COL5A1: variants seen among roughly 807,000 people sequenced by gnomAD.
COL5A1 encodes the protein collagen alpha-1(V) chain.
In COL5A1, 16 loss-of-function variants were observed where a neutral mutation model predicts 263.7. That is an observed-to-expected ratio of 0.06 (90% confidence interval 0.04 to 0.09). The LOEUF is 0.09. Among genes scored for constraint, COL5A1 ranks in the 10% least tolerant of loss-of-function variants. The probability of loss-of-function intolerance (pLI) is 1.00; values close to 1 mark genes in which losing one functional copy is unlikely to be tolerated. For missense variants in COL5A1, 2,036 were observed against 2,540.5 expected, an observed-to-expected ratio of 0.80 and a Z score of 4.27; for synonymous variants, 1,012 against 1,004.5, an observed-to-expected ratio of 1.01 and a Z score of -0.14.
In COL5A1 at chr9:134,728,662, G is replaced by C. The variant is rs780803048; in HGVS notation, c.787-8G>C. On this transcript the variant is annotated splice_region_variant and splice_polypyrimidine_tract_variant and intron_variant, in intron 5 of 65. Transcript: ENST00000371817. ...CTGCTTCCTCACGGGGCCGCAATTC[G>C]CTTTCAGTACACGGAAGGAGACGGC... is the stretch of plus-strand genomic sequence containing the variant. 5.6e-6 allele frequency: 9 copies of C among 1,613,834 alleles called. No homozygotes were observed. Among genetic ancestry groups the C allele is most frequent in the African/African-American group, 4.0e-5 (3 of 74,912 alleles).
chr9:134,822,610 C>G (rs1490722038), intron 59 of COL5A1, among the ~76,000 whole-genome samples: 2 of 152,026 alleles, frequency 1.3e-5, no homozygotes, highest in South Asian at 2.1e-4. Flanking sequence ...GTACACATGG[C>G]CCCCGGGGGC....
chr9:134,711,953 A>G (rs1484150315), intron 4 of COL5A1, among the ~76,000 whole-genome samples: 1 of 150,670 alleles, frequency 6.6e-6, no homozygotes, highest in Non-Finnish European at 1.5e-5. Flanking sequence ...GCCTGACAGG[A>G]AGTGAACCCC....
intron 1 of COL5A1, among the ~76,000 whole-genome samples, chr9:134,664,739 C>T (rs369381654): frequency 4.3e-4 from 66 of 152,316 alleles, no homozygotes; most frequent in South Asian, 1.0e-3. Context: ...CTCTGAAAGG[C>T]ATTTGGCAAT....
At position 134,815,638 on chromosome 9, in the gene COL5A1, T is replaced by A. The variant is rs2132855525; in HGVS notation, c.4068+9T>A. 6.2e-7 allele frequency: 1 copy of A among 1,613,422 alleles called. No individual in the cohort carries two copies. Among genetic ancestry groups the A allele is most frequent in the Non-Finnish European group, 8.5e-7 (1 of 1,179,848 alleles). On this transcript the variant is annotated intron_variant, in intron 51 of 65. Coordinates refer to ENST00000371817, the MANE Select transcript of COL5A1 (RefSeq NM_000093.5). ...GAGAGCCTGGCCCCGCGGTAGGTGC[T>A]CAAGAGGGCAAAGCCACCGGATCCC...
chr9:134,806,382 G>A, intron 42 of COL5A1, 86 bp downstream of exon 42: 7 of 910,140 alleles, frequency 7.7e-6, no homozygotes, highest in South Asian at 1.6e-5. Context: ...CCCCTGTGAT[G>A]TCCCCAGGGG....
At chr9:134,730,575 T>C in intron 7 of COL5A1, 100 bp downstream of exon 7, 1 of 1,551,362 alleles carries the variant, frequency 6.4e-7, no homozygotes, top group Non-Finnish European at 8.8e-7. Flanking sequence ...AGTTCTCACC[T>C]TGGTGTCCTC....
Position 134,754,574 on chromosome 9 carries a change from A to G in COL5A1, c.1827+248A>G, listed in dbSNP as rs1318061808. 6.6e-6 allele frequency among the ~76,000 whole-genome samples: 1 copy of G among 152,162 alleles called. No homozygotes were observed. Among genetic ancestry groups the G allele is most frequent in the Admixed American group, 6.5e-5 (1 of 15,282 alleles). On this transcript the variant is annotated intron_variant, in intron 16 of 65. Coordinates refer to ENST00000371817, the MANE Select transcript of COL5A1 (RefSeq NM_000093.5). This position sits in a 1 kb window ranked among gnomAD's most constrained non-coding sequence, Gnocchi z 4.3. Reference sequence around the variant, plus strand: ...TGGGCACATTCATTTAGTTTAATAAACCTTTCTAATTCAAGAAACTTCCCA... The same window carrying G: ...TGGGCACATTCATTTAGTTTAATAAGCCTTTCTAATTCAAGAAACTTCCCA...
At chr9:134,782,839 G>A in intron 29 of COL5A1, 119 bp downstream of exon 29, 1 of 1,009,072 alleles carries the variant, frequency 9.9e-7, no homozygotes, top group South Asian at 1.3e-5. Flanking sequence ...TAAACTCTTG[G>A]TAGAGATTCC....
chr9:134,675,139 G>T (rs1832651996), intron 1 of COL5A1, among the ~76,000 whole-genome samples: 1 of 152,110 alleles, frequency 6.6e-6, no homozygotes, highest in Admixed American at 6.6e-5. Context: ...TTCTTTCTAT[G>T]TTTTTTCAGT....
Position 134,652,114 on chromosome 9 carries a change from C to T in COL5A1, c.109+9818C>T, listed in dbSNP as rs575254806. On this transcript the variant is annotated intron_variant, in intron 1 of 65. Transcript: ENST00000371817. The surrounding 1 kb of genome is among the most constrained non-coding windows in gnomAD (Gnocchi z 4.4). ...CGGTCGAGGTGGGGTGAAGGGCGTT[C>T]TCGAGGGAAGGGTAGGGAACGATTT... 6.6e-6 allele frequency among the ~76,000 whole-genome samples: 1 copy of T among 152,226 alleles called. No individual in the cohort carries two copies. Among genetic ancestry groups the T allele is most frequent in the South Asian group, 2.1e-4 (1 of 4,820 alleles).
rs1835289833 is a variant in COL5A1 at position 134,741,177 on chromosome 9, C to T, written c.1494+2369C>T. On this transcript the variant is annotated intron_variant, in intron 11 of 65. Transcript: ENST00000371817. This position sits in a 1 kb window ranked among gnomAD's most constrained non-coding sequence, Gnocchi z 4.5. The stretch of plus-strand genomic sequence containing the variant: ...GGGTGAGGCCCTGCAGTGCAGCCTG[C>T]GGTGGGCCGGGCTCAGGTGCCTGTG... Among the ~76,000 whole-genome samples the T allele has an allele frequency of 6.6e-6, 1 of 152,218 alleles. No individual in the cohort carries two copies. The highest frequency in any genetic ancestry group is 1.5e-5 in the Non-Finnish European group (1 of 68,038).
intron 62 of COL5A1, 37 bp from the exon 63 acceptor site, chr9:134,825,755 G>A: frequency 7.1e-7 from 1 of 1,403,626 alleles, no homozygotes; most frequent in Admixed American, 1.7e-5. Context: ...CAATCCTTCT[G>A]ACTCTGCCTG....
intron 2 of COL5A1, among the ~76,000 whole-genome samples, chr9:134,694,743 T>G (rs1380354882): frequency 6.6e-6 from 1 of 152,100 alleles, no homozygotes; most frequent in Non-Finnish European, 1.5e-5. Context: ...CCCAGGACTG[T>G]GACACAGGGG....
rs1178271475 is a variant in COL5A1 at position 134,699,897 on chromosome 9, G to C, written c.278-12G>C. 2 of 1,613,678 alleles carry C rather than the reference G, an allele frequency of 1.2e-6. No homozygotes were observed. Among genetic ancestry groups the C allele is most frequent in the Non-Finnish European group, 1.7e-6 (2 of 1,179,856 alleles). ...TCCCCGACTGCCTTCTCACCTCTGT[G>C]CTCTGTTCCAGCGTCTGCATTTCCC... On this transcript the variant is annotated splice_polypyrimidine_tract_variant and intron_variant, in intron 2 of 65. Transcript: ENST00000371817.
Position 134,841,691 on chromosome 9 carries a change from G to A in COL5A1, c.5371-466G>A, listed in dbSNP as rs930528525. 6.6e-6 allele frequency among the ~76,000 whole-genome samples: 1 copy of A among 152,156 alleles called. No homozygotes were observed. On this transcript the variant is annotated intron_variant, in intron 65 of 65. Coordinates refer to ENST00000371817, the MANE Select transcript of COL5A1 (RefSeq NM_000093.5). This position sits in a 1 kb window ranked among gnomAD's most constrained non-coding sequence, Gnocchi z 4.8. ...TTACTTGGCTCAAGGCTCTGCCGGTGCCGCCTCGGACTCCTTCCTTTTCGA... is the reference window on the plus strand; with the variant it reads ...TTACTTGGCTCAAGGCTCTGCCGGTACCGCCTCGGACTCCTTCCTTTTCGA...
intron 63 of COL5A1, among the ~76,000 whole-genome samples, chr9:134,826,857 T>A (rs13298184): frequency 2.0e-5 from 3 of 150,720 alleles, no homozygotes; most frequent in African/African-American, 7.3e-5. Flanking sequence ...TGTGTGGGTG[T>A]GTGTGGCTGG....
chr9:134,727,686 T>TG (rs1167126913), intron 5 of COL5A1, among the ~76,000 whole-genome samples: 4 of 152,180 alleles, frequency 2.6e-5, no homozygotes, highest in Admixed American at 2.6e-4. Flanking sequence ...TTGACCTTGA[T>TG]GGGGTATTTG....
At chr9:134,795,224 G>C in intron 33 of COL5A1, 38 bp from the exon 34 acceptor site, 1 of 1,613,600 alleles carries the variant, frequency 6.2e-7, no homozygotes, top group Non-Finnish European at 8.5e-7. Context: ...CTGTGTGTCG[G>C]GACTTGAGCT....
intron 21 of COL5A1, among the ~76,000 whole-genome samples, chr9:134,766,008 C>T (rs1287748277): frequency 6.6e-6 from 1 of 152,248 alleles, no homozygotes; most frequent in African/African-American, 2.4e-5. Context: ...ACAGCATGTG[C>T]TATTTCAGTT....
Sources: gnomAD v4.1 joint callset for allele counts (sites outside exome capture counted in the v4.1 genomes callset) on GRCh38, gnomAD v4.1.1 for gene constraint, Gnocchi (gnomAD v3.1) non-coding constraint, MANE v1.5 for transcripts, NCBI Gene and HGNC (gene_info 2026-07-23, HGNC 2026-07-21) for gene names.